PTPRD: variants seen among roughly 807,000 people sequenced by gnomAD.
PTPRD encodes the protein receptor-type tyrosine-protein phosphatase delta.
A neutral mutation model predicts 214.5 loss-of-function variants in PTPRD; 34 were observed. The observed-to-expected ratio is 0.16, with a 90% CI of 0.12 to 0.21. The LOEUF is 0.21. Ranked by LOEUF, PTPRD falls within the 10% of genes least tolerant of loss-of-function variation. The pLI, the probability that PTPRD is intolerant of heterozygous loss-of-function variation, is 1.00. For synonymous variants in PTPRD, 1,128 were observed against 845.7 expected, an observed-to-expected ratio of 1.33 and a Z score of -5.79; for missense variants, 2,545 against 2,398.7, an observed-to-expected ratio of 1.06 and a Z score of -1.27.
chr9:10,030,701 T>G (rs1476986508), intron 4 of PTPRD, among the ~76,000 whole-genome samples: 1 of 152,026 alleles, frequency 6.6e-6, no homozygotes, highest in East Asian at 1.9e-4. Flanking sequence ...CATAGAAAAA[T>G]TCCAGTTGAG....
At chr9:8,685,357 G>C (rs976385771) in intron 12 of PTPRD, among the ~76,000 whole-genome samples, 6 of 151,732 alleles carry the variant, frequency 4.0e-5, no homozygotes, top group Non-Finnish European at 8.8e-5. Flanking sequence ...CAGAATTTTG[G>C]GGAAAAAAAA....
At chr9:8,951,105 G>C (rs2099099238) in intron 11 of PTPRD, among the ~76,000 whole-genome samples, 1 of 151,100 alleles carries the variant, frequency 6.6e-6, no homozygotes, top group East Asian at 1.9e-4. Context: ...AAAAGTTTAT[G>C]TGGTTGTGTT....
chr9:10,109,323 T>A (rs1181172990), intron 3 of PTPRD, among the ~76,000 whole-genome samples: 4 of 152,158 alleles, frequency 2.6e-5, no homozygotes, highest in Non-Finnish European at 4.4e-5. Context: ...AAAGAAACGG[T>A]TGATGTTAAA....
intron 3 of PTPRD, among the ~76,000 whole-genome samples, chr9:10,214,769 A>T (rs578152261): frequency 2.0e-5 from 3 of 152,150 alleles, no homozygotes; most frequent in East Asian, 3.9e-4. Flanking sequence ...TTTCTCCATT[A>T]TCCTTTTTGT....
intron 11 of PTPRD, among the ~76,000 whole-genome samples, chr9:8,792,233 T>A (rs771897271): frequency 3.3e-5 from 5 of 152,196 alleles, no homozygotes; most frequent in Non-Finnish European, 5.9e-5. Flanking sequence ...AGTCACCTAT[T>A]GTACTACAGA....
At chr9:8,725,805 G>A (rs2154426582) in intron 12 of PTPRD, among the ~76,000 whole-genome samples, 1 of 152,216 alleles carries the variant, frequency 6.6e-6, no homozygotes, top group Non-Finnish European at 1.5e-5. Flanking sequence ...TACAGCAGAA[G>A]CAGGACTTGA....
intron 11 of PTPRD, among the ~76,000 whole-genome samples, chr9:8,842,937 C>T (rs1030942808): frequency 2.6e-5 from 4 of 152,152 alleles, no homozygotes; most frequent in African/African-American, 9.7e-5. Flanking sequence ...AGCTTTAAGA[C>T]AGATCTATCT....
At position 8,465,606 on chromosome 9, in the gene PTPRD, T is replaced by C. The variant is rs759937069; in HGVS notation, c.3574A>G (p.Ile1192Val). 3.1e-5 allele frequency: 50 copies of C among 1,612,354 alleles called. No homozygotes were observed. Among genetic ancestry groups the C allele is most frequent in the Non-Finnish European group, 3.9e-5 (46 of 1,178,998 alleles). ...GGAAGGACATCAAAGTGAGCGGCAATATATGGCTTTAATTCAACTTCTCTC... is the reference window on the plus strand; with the variant it reads ...GGAAGGACATCAAAGTGAGCGGCAACATATGGCTTTAATTCAACTTCTCTC... ...YGREVELKPYIAAHFDVLPTE... is the reference protein window; with the variant it reads ...YGREVELKPYVAAHFDVLPTE... The change falls in exon 32 of 46, where the codon ATT (isoleucine) becomes GTT (valine). Residue 1192 changes from isoleucine to valine, a missense_variant. Coordinates refer to ENST00000381196, the MANE Select transcript of PTPRD (RefSeq NM_002839.4).
intron 3 of PTPRD, among the ~76,000 whole-genome samples, chr9:10,296,982 C>T (rs1027907445): frequency 6.6e-6 from 1 of 151,428 alleles, no homozygotes; most frequent in Non-Finnish European, 1.5e-5. Context: ...TGACAATGCC[C>T]ATCCACTTCA....
intron 3 of PTPRD, among the ~76,000 whole-genome samples, chr9:10,081,903 T>C (rs2098244631): frequency 6.6e-6 from 1 of 152,030 alleles, no homozygotes; most frequent in Non-Finnish European, 1.5e-5. Flanking sequence ...CATCTGATCA[T>C]TTACAGCATA....
At chr9:8,849,200 G>A (rs972497074) in intron 11 of PTPRD, among the ~76,000 whole-genome samples, 1 of 135,370 alleles carries the variant, frequency 7.4e-6, no homozygotes, top group Non-Finnish European at 1.6e-5. Context: ...TTTTGAGACG[G>A]AGTCTCGCTT....
chr9:9,283,010 T>A (rs891487681), intron 9 of PTPRD, among the ~76,000 whole-genome samples: 1 of 151,508 alleles, frequency 6.6e-6, no homozygotes, highest in Non-Finnish European at 1.5e-5. Flanking sequence ...CTGACTCTTA[T>A]CTTGAGGTCA....
At chr9:9,393,060 A>C (rs1586947374) in intron 9 of PTPRD, among the ~76,000 whole-genome samples, 1 of 152,068 alleles carries the variant, frequency 6.6e-6, no homozygotes, top group Non-Finnish European at 1.5e-5. Flanking sequence ...TGCTCAGCTG[A>C]AAGTTTTTCT....
intron 5 of PTPRD, among the ~76,000 whole-genome samples, chr9:9,794,011 AT>A (rs1275167666): frequency 6.6e-6 from 1 of 152,034 alleles, no homozygotes; most frequent in African/African-American, 2.4e-5. Context: ...ACCAACATGT[AT>A]TGATCTTTTG....
intron 12 of PTPRD, among the ~76,000 whole-genome samples, chr9:8,637,454 G>C (rs1301956996): frequency 6.6e-6 from 1 of 152,124 alleles, no homozygotes; most frequent in Non-Finnish European, 1.5e-5. Context: ...AAGAAGATGA[G>C]TCAAGAAGCC....
At chr9:8,577,461 G>C (rs1391461211) in intron 14 of PTPRD, among the ~76,000 whole-genome samples, 1 of 152,038 alleles carries the variant, frequency 6.6e-6, no homozygotes, top group East Asian at 1.9e-4. Context: ...CTCCATGTTG[G>C]TCAGGCTGGT....
intron 24 of PTPRD, 59 bp downstream of exon 24, chr9:8,500,695 A>T (rs764216986): frequency 2.4e-4 from 362 of 1,531,030 alleles, no homozygotes; most frequent in Admixed American, 3.5e-4. Flanking sequence ...GCCTATTGAA[A>T]GACAGCAGAT....
At chr9:9,807,362 A>G (rs958481308) in intron 5 of PTPRD, among the ~76,000 whole-genome samples, 8 of 152,166 alleles carry the variant, frequency 5.3e-5, no homozygotes, top group Admixed American at 6.5e-5. Flanking sequence ...TTATGTGAAG[A>G]TAAGTATTGA....
At chr9:8,730,845 G>A (rs368276821) in intron 12 of PTPRD, among the ~76,000 whole-genome samples, 22 of 152,122 alleles carry the variant, frequency 1.4e-4, no homozygotes, top group Admixed American at 3.9e-4. Context: ...CATGCTGCTC[G>A]AACAGAAGTC....
Sources: gnomAD v4.1 joint callset for allele counts (sites outside exome capture counted in the v4.1 genomes callset) on GRCh38, gnomAD v4.1.1 for gene constraint, MANE v1.5 for transcripts, NCBI Gene and HGNC (gene_info 2026-07-23, HGNC 2026-07-21) for gene names.